Variants in SCAMP1 observed in about 807,000 individuals in gnomAD.
SCAMP1 encodes secretory carrier-associated membrane protein 1.
Under a neutral mutation model 41.8 loss-of-function variants are expected in SCAMP1, and 15 were observed. That is an observed-to-expected ratio of 0.36 (90% confidence interval 0.24 to 0.55). SCAMP1 has a LOEUF of 0.55. Among genes scored for constraint, SCAMP1 ranks in the 20% least tolerant of loss-of-function variants. The probability of loss-of-function intolerance (pLI) is 0.86; values close to 1 mark genes in which losing one functional copy is unlikely to be tolerated. For synonymous variants in SCAMP1, 135 were observed against 136.8 expected (o/e 0.99, Z 0.09); for missense variants, 341 against 412.6 (o/e 0.83, Z 1.50).
intron 2 of SCAMP1, 67 bp downstream of exon 2, chr5:78,388,981 T>G: frequency 1.2e-6 from 1 of 825,988 alleles, no homozygotes; most frequent in Admixed American, 2.9e-5. Context: ...TAACTATGAT[T>G]TCTTTTTTAG....
chr5:78,364,139 T>C (rs971050017), intron 1 of SCAMP1, among the ~76,000 whole-genome samples: 2 of 152,216 alleles, frequency 1.3e-5, no homozygotes, highest in African/African-American at 2.4e-5. Context: ...TCTGTCCTTA[T>C]GGCTATTAGT....
chr5:78,464,827 C>A (rs1753704539), intron 8 of SCAMP1, among the ~76,000 whole-genome samples: 1 of 152,152 alleles, frequency 6.6e-6, no homozygotes, highest in African/African-American at 2.4e-5. Context: ...GCCATTTTGT[C>A]CTCTCGGAGA....
At chr5:78,472,418 TA>T (rs552908246) in intron 8 of SCAMP1, among the ~76,000 whole-genome samples, 2,292 of 151,954 alleles carry the variant, frequency 0.015, 58 homozygotes, top group African/African-American at 0.053. Flanking sequence ...TGTAATTTTT[TA>T]AAAAAAATTA....
intron 1 of SCAMP1, among the ~76,000 whole-genome samples, chr5:78,380,078 C>A (rs1392646953): frequency 2.0e-5 from 3 of 152,148 alleles, no homozygotes; most frequent in Admixed American, 6.6e-5. Context: ...GTTTACACTC[C>A]TCTGCACCTT....
intron 1 of SCAMP1, among the ~76,000 whole-genome samples, chr5:78,363,578 C>T (rs955694603): frequency 1.3e-5 from 2 of 152,164 alleles, no homozygotes; most frequent in Admixed American, 1.3e-4. Flanking sequence ...TATGATATTT[C>T]GCATTTGGTA....
chr5:78,450,155 G>C (rs1580705354), intron 7 of SCAMP1, 121 bp downstream of exon 7: 1 of 597,256 alleles, frequency 1.7e-6, no homozygotes, highest in Non-Finnish European at 2.9e-6. Flanking sequence ...AGCAAAAATT[G>C]TTTTAAAAAT....
intron 8 of SCAMP1, among the ~76,000 whole-genome samples, chr5:78,470,160 G>A (rs1375645942): frequency 6.6e-6 from 1 of 151,968 alleles, no homozygotes; most frequent in Non-Finnish European, 1.5e-5. Context: ...TATTGTATTT[G>A]TTTTAATTGT....
At chr5:78,474,681 G>A (rs992606707) in intron 8 of SCAMP1, among the ~76,000 whole-genome samples, 1 of 152,134 alleles carries the variant, frequency 6.6e-6, no homozygotes, top group African/African-American at 2.4e-5. Flanking sequence ...CAGTCACAGT[G>A]CAGTGTAATT....
In SCAMP1 at chr5:78,477,591, G is replaced by C. The variant is rs943837207; in HGVS notation, c.*1923G>C. The C allele has an allele frequency of 2.6e-5, 4 of 152,074 alleles. No homozygotes were observed. The highest frequency in any genetic ancestry group is 9.7e-5 in the African/African-American group (4 of 41,414). 9.4% of individuals were successfully genotyped at this position (152,074 alleles called of 1,614,324 possible). On this transcript the variant is annotated 3_prime_UTR_variant, in exon 9 of 9. Coordinates refer to ENST00000621999, the MANE Select transcript of SCAMP1 (RefSeq NM_004866.6). Reference sequence around the variant, plus strand: ...CACTACAAACAAAAGATATATTAGAGACTTTTGAAAAATGCTGAAATACTT... The same window carrying C: ...CACTACAAACAAAAGATATATTAGACACTTTTGAAAAATGCTGAAATACTT...
chr5:78,375,108 CA>C (rs1289648758), intron 1 of SCAMP1, among the ~76,000 whole-genome samples: 2 of 152,102 alleles, frequency 1.3e-5, no homozygotes, highest in Non-Finnish European at 2.9e-5. Context: ...AAATTGAACT[CA>C]GGGGAGGGCC....
chr5:78,391,130 C>T (rs1381330881), intron 2 of SCAMP1, among the ~76,000 whole-genome samples: 2 of 152,208 alleles, frequency 1.3e-5, no homozygotes, highest in East Asian at 3.8e-4. Context: ...CACAAAACCG[C>T]CATTGTCATC....
intron 1 of SCAMP1, among the ~76,000 whole-genome samples, chr5:78,387,548 T>C (rs1751374863): frequency 6.6e-6 from 1 of 152,114 alleles, no homozygotes; most frequent in Admixed American, 6.6e-5. Context: ...GTCATATTAC[T>C]GGAATTGTTT....
rs1404443391 is a variant in SCAMP1, at chr5:78,446,140, G to A, written c.633-3793G>A. Among the ~76,000 whole-genome samples, 4 of 152,146 alleles carry A rather than the reference G, an allele frequency of 2.6e-5. No homozygotes were observed. The East Asian group carries it at 7.7e-4, about 29-fold the overall frequency. ...TTGAGGTTTTCATTTGATCAGTTTT[G>A]TACACTAACTGTGCATTTGTGTGTA... On this transcript the variant is annotated intron_variant, in intron 6 of 8. Coordinates refer to ENST00000621999, the MANE Select transcript of SCAMP1 (RefSeq NM_004866.6).
chr5:78,372,788 T>G (rs1750972001), intron 1 of SCAMP1, among the ~76,000 whole-genome samples: 1 of 152,154 alleles, frequency 6.6e-6, no homozygotes, highest in African/African-American at 2.4e-5. Context: ...CCAAAAAGTT[T>G]GAAAGTTAAT....
Position 78,457,459 on chromosome 5 carries a change from G to C in SCAMP1, c.735-1786G>C, listed in dbSNP as rs6868976. ...ATACCCTGTCGTGTAAGGTGTCAGT[G>C]TGCCCCTGCTGGGGGGTGCCTCCCA... On this transcript the variant is annotated intron_variant, in intron 7 of 8. Coordinates refer to ENST00000621999, the MANE Select transcript of SCAMP1 (RefSeq NM_004866.6). 6.9e-4 allele frequency among the ~76,000 whole-genome samples: 105 copies of C among 151,752 alleles called. No homozygotes were observed. The East Asian group carries it at 0.012, about 17-fold the overall frequency.
intron 6 of SCAMP1, among the ~76,000 whole-genome samples, chr5:78,428,502 A>G (rs1411100519): frequency 3.3e-5 from 5 of 152,122 alleles, no homozygotes; most frequent in Non-Finnish European, 7.4e-5. Context: ...TTATACCAAT[A>G]TGCCTTTCTT....
chr5:78,432,505 C>G (rs973739396), intron 6 of SCAMP1, among the ~76,000 whole-genome samples: 2 of 152,046 alleles, frequency 1.3e-5, no homozygotes, highest in African/African-American at 4.8e-5. Context: ...TTTTTACTTT[C>G]TTTCGTACTT....
intron 1 of SCAMP1, among the ~76,000 whole-genome samples, chr5:78,371,981 A>G (rs1477785875): frequency 1.3e-5 from 2 of 152,212 alleles, no homozygotes; most frequent in African/African-American, 4.8e-5. Context: ...TTGATAGTAG[A>G]AGAAAACACA....
chr5:78,414,426 G>T (rs979310129), intron 2 of SCAMP1, among the ~76,000 whole-genome samples: 19 of 152,088 alleles, frequency 1.2e-4, no homozygotes, highest in African/African-American at 4.6e-4. Flanking sequence ...GGGACTGCAG[G>T]CGCCCGCCGC....
Sources: gnomAD v4.1 joint callset for allele counts (sites outside exome capture counted in the v4.1 genomes callset) on GRCh38, gnomAD v4.1.1 for gene constraint, MANE v1.5 for transcripts, NCBI Gene and HGNC (gene_info 2026-07-23, HGNC 2026-07-21) for gene names.